Variants in THUMPD2 observed in about 807,000 individuals in gnomAD.
THUMPD2 encodes THUMP domain 2 tRNA and snRNA guanosine methyltransferase, also known as U6 snRNA (guanine-N(2))-methyltransferase THUMPD2.
A neutral mutation model predicts 49.4 loss-of-function variants in THUMPD2; 56 were observed. The observed-to-expected ratio is 1.13, with a 90% CI of 0.91 to 1.41. The LOEUF (loss-of-function observed/expected upper bound fraction) is 1.41. Among genes scored for constraint, THUMPD2 ranks in the 40% most tolerant of loss-of-function variants. The pLI is 0.00. For synonymous variants in THUMPD2, 237 were observed against 205.2 expected, an observed-to-expected ratio of 1.15 and a Z score of -1.32; for missense variants, 709 against 594.5, an observed-to-expected ratio of 1.19 and a Z score of -2.00.
At chr2:39,758,726 A>G (rs1676443107) in intron 6 of THUMPD2, among the ~76,000 whole-genome samples, 2 of 151,966 alleles carry the variant, frequency 1.3e-5, no homozygotes, top group South Asian at 4.1e-4. Context: ...TAACAGTCAC[A>G]TTTTAGTCCT....
At chr2:39,761,044 G>T (rs905909436) in intron 6 of THUMPD2, among the ~76,000 whole-genome samples, 2 of 151,878 alleles carry the variant, frequency 1.3e-5, no homozygotes, top group Non-Finnish European at 2.9e-5. Flanking sequence ...AGAATAGGAG[G>T]TTTTACAGGC....
intron 6 of THUMPD2, among the ~76,000 whole-genome samples, chr2:39,757,561 G>A (rs557347138): frequency 4.1e-4 from 62 of 152,268 alleles, no homozygotes; most frequent in Non-Finnish European, 7.5e-4. Flanking sequence ...TGTGCCATAC[G>A]CTGTGCTCCT....
intron 8 of THUMPD2, among the ~76,000 whole-genome samples, chr2:39,751,357 G>A (rs1418528997): frequency 6.6e-6 from 1 of 152,218 alleles, no homozygotes; most frequent in Non-Finnish European, 1.5e-5. Flanking sequence ...AAGCACAACT[G>A]TTGCCAATAA....
Position 39,759,335 on chromosome 2 carries a change from A to C in THUMPD2, c.891+1996T>G, listed in dbSNP as rs971016814. Among the ~76,000 whole-genome samples the C allele has an allele frequency of 2.6e-5, 4 of 152,248 alleles. No individual in the cohort carries two copies. In the South Asian group the frequency reaches 8.3e-4, roughly 32 times the overall value. On this transcript the variant is annotated intron_variant, in intron 6 of 9. Coordinates refer to ENST00000505747, the MANE Select transcript of THUMPD2 (RefSeq NM_025264.5). ...TCTAGTTATTAACTACAATTTTGGTATAATTATTTATTATTACCAAAATGG... is the reference window on the plus strand; with the variant it reads ...TCTAGTTATTAACTACAATTTTGGTCTAATTATTTATTATTACCAAAATGG...
chr2:39,767,496 T>C (rs1046961203), intron 4 of THUMPD2, among the ~76,000 whole-genome samples: 8 of 145,046 alleles, frequency 5.5e-5, no homozygotes, highest in Non-Finnish European at 4.5e-5. Flanking sequence ...CCCAGCTACT[T>C]GGGAGGCTGA....
chr2:39,744,255 CA>C, intron 9 of THUMPD2, 114 bp downstream of exon 9: 1 of 550,312 alleles, frequency 1.8e-6, no homozygotes, highest in South Asian at 3.5e-5. Context: ...AATTAAGCTA[CA>C]AAAACTCTGG....
Position 39,744,389 on chromosome 2 carries a change from T to C in THUMPD2, c.1168A>G (p.Ile390Val). ...KFKLGKDIKS[I>V]LQEMERVLHV... Reference sequence around the variant, plus strand: ...ACTTACCTTTCCATTTCTTGTAGAATGCTTTTGATGTCTTTTCCTAACTTA... The same window carrying C: ...ACTTACCTTTCCATTTCTTGTAGAACGCTTTTGATGTCTTTTCCTAACTTA... The change falls in exon 9 of 10, where the codon ATT becomes GTT. Residue 390 changes from isoleucine to valine, a missense_variant. Ile to Val is a conservative substitution (Grantham distance 29). Coordinates refer to ENST00000505747, the MANE Select transcript of THUMPD2 (RefSeq NM_025264.5). The C allele has an allele frequency of 6.4e-7, 1 of 1,573,926 alleles. No individual in the cohort carries two copies. The highest frequency in any genetic ancestry group is 8.6e-7 in the Non-Finnish European group (1 of 1,163,356).
chr2:39,768,778 T>A (rs1572865014), intron 3 of THUMPD2: 3 of 788,900 alleles, frequency 3.8e-6, no homozygotes, highest in Non-Finnish European at 5.6e-6. Flanking sequence ...ATAACTAGAT[T>A]ATGACCTGAT....
At chr2:39,758,996 TA>T (rs1343850267) in intron 6 of THUMPD2, among the ~76,000 whole-genome samples, 3 of 152,044 alleles carry the variant, frequency 2.0e-5, no homozygotes, top group African/African-American at 7.2e-5. Flanking sequence ...AAAATATAAA[TA>T]AATTAAAATA....
intron 6 of THUMPD2, chr2:39,757,408 C>T: frequency 7.7e-7 from 1 of 1,303,182 alleles, no homozygotes; most frequent in Non-Finnish European, 1.0e-6. Flanking sequence ...GAGACAGAAG[C>T]CTTCCCCTGG....
chr2:39,736,490 C>G lies in THUMPD2; in HGVS notation c.*245G>C. The G allele has an allele frequency of 2.8e-6, 1 of 357,940 alleles. No individual in the cohort carries two copies. Among genetic ancestry groups the G allele is most frequent in the Non-Finnish European group, 5.0e-6 (1 of 200,110 alleles). The allele number at this position is 357,940 out of a possible 1,614,324, so 22.2% of individuals were successfully genotyped here. ...GAAACTGGGCAGAACTTTTCACATT[C>G]TGACAGAAGATAAAACTTAAGTCTA... On this transcript the variant is annotated 3_prime_UTR_variant, in exon 10 of 10. Transcript: ENST00000505747.
intron 1 of THUMPD2, 57 bp from the exon 2 acceptor site, chr2:39,771,697 T>C: frequency 6.5e-7 from 1 of 1,531,208 alleles, no homozygotes; most frequent in Non-Finnish European, 8.8e-7. Context: ...AAACCATATT[T>C]TTTCCCTCAA....
chr2:39,749,586 T>TA (rs1675110525), intron 8 of THUMPD2, among the ~76,000 whole-genome samples: 1 of 152,248 alleles, frequency 6.6e-6, no homozygotes, highest in Admixed American at 6.5e-5. Flanking sequence ...TTCTTAGAAT[T>TA]ACTAAGTTTT....
chr2:39,743,921 G>C (rs571442434), intron 9 of THUMPD2, among the ~76,000 whole-genome samples: 1 of 152,164 alleles, frequency 6.6e-6, no homozygotes, highest in Non-Finnish European at 1.5e-5. Flanking sequence ...GTTATGGAAG[G>C]TTCCTTATTT....
intron 4 of THUMPD2, among the ~76,000 whole-genome samples, chr2:39,767,361 T>G (rs913224359): frequency 1.3e-5 from 2 of 151,780 alleles, no homozygotes; most frequent in Non-Finnish European, 2.9e-5. Flanking sequence ...TCCCAGCACT[T>G]TGGGAGGCCG....
At chr2:39,765,772 G>A (rs970407963) in intron 5 of THUMPD2, among the ~76,000 whole-genome samples, 1 of 152,000 alleles carries the variant, frequency 6.6e-6, no homozygotes, top group African/African-American at 2.4e-5. Flanking sequence ...TATAGGTATA[G>A]GGCTGTGAAA....
chr2:39,767,940 A>G (rs1389323484), intron 4 of THUMPD2, among the ~76,000 whole-genome samples: 1 of 149,018 alleles, frequency 6.7e-6, no homozygotes, highest in African/African-American at 2.6e-5. Context: ...TTGTTTCCCC[A>G]TACAAATACT....
chr2:39,769,814 G>C lies in THUMPD2; in HGVS notation c.568C>G (p.Gln190Glu). 2 of 1,611,396 alleles carry C rather than the reference G, an allele frequency of 1.2e-6. No homozygotes were observed. The highest frequency in any genetic ancestry group is 1.7e-6 in the Non-Finnish European group (2 of 1,179,410). ...TCAATTGCTTTCTCTATGTCATTCT[G>C]AAATTCTTCTTCTTGAAACTTTTCG... ...KSEKFQEEEFQNDIEKAIDTH... is the reference protein window; with the variant it reads ...KSEKFQEEEFENDIEKAIDTH... Residue 190 changes from glutamine (Q) to glutamate (E), a missense_variant, in exon 3 of 10, where the codon CAG (glutamine) becomes GAG (glutamate). Physicochemically the swap from Gln to Glu is conservative, Grantham distance 29. Transcript: ENST00000505747.
At chr2:39,745,293 T>C (rs1387364462) in intron 8 of THUMPD2, among the ~76,000 whole-genome samples, 1 of 152,214 alleles carries the variant, frequency 6.6e-6, no homozygotes, top group Non-Finnish European at 1.5e-5. Context: ...TGGTAGGAAA[T>C]TTAGCAACAA....
Sources: allele counts gnomAD v4.1 joint callset (sites outside exome capture counted in the v4.1 genomes callset), GRCh38; gene constraint gnomAD v4.1.1; transcripts MANE v1.5; gene names NCBI Gene and HGNC (gene_info 2026-07-23, HGNC 2026-07-21).